Variants in MAML3 observed in about 807,000 individuals in gnomAD.
MAML3 encodes the protein mastermind-like protein 3.
A neutral mutation model predicts 101.9 loss-of-function variants in MAML3; 27 were observed. The ratio of observed to expected loss-of-function variants is 0.27; its 90% CI spans 0.20 to 0.37. The LOEUF (loss-of-function observed/expected upper bound fraction) is 0.37, where lower values mean the gene tolerates loss of function less well. Among genes scored for constraint, MAML3 ranks in the 10% least tolerant of loss-of-function variants. MAML3 has a pLI of 1.00. For missense variants in MAML3, 1,316 were observed against 1,444.9 expected (o/e 0.91, Z 1.45); for synonymous variants, 501 against 555.9 (o/e 0.90, Z 1.39).
At chr4:139,827,075 A>C (rs1731074036) in intron 2 of MAML3, among the ~76,000 whole-genome samples, 1 of 152,158 alleles carries the variant, frequency 6.6e-6, no homozygotes, top group Non-Finnish European at 1.5e-5. Flanking sequence ...GTTAATACAG[A>C]GTCTGATGTG....
intron 1 of MAML3, among the ~76,000 whole-genome samples, chr4:139,945,682 A>G (rs751109346): frequency 4.6e-5 from 7 of 152,244 alleles, no homozygotes; most frequent in Admixed American, 2.6e-4. Context: ...TAGGATAGAT[A>G]TTTAATAAAT....
intron 1 of MAML3, among the ~76,000 whole-genome samples, chr4:140,133,873 GTA>G (rs1379287980): frequency 6.6e-6 from 1 of 152,188 alleles, no homozygotes; most frequent in African/African-American, 2.4e-5. Flanking sequence ...ATGGCTGTAT[GTA>G]TACAGATATT....
intron 1 of MAML3, among the ~76,000 whole-genome samples, chr4:140,055,373 C>T (rs1432777151): frequency 6.6e-6 from 1 of 152,172 alleles, no homozygotes; most frequent in Non-Finnish European, 1.5e-5. Context: ...AATCCCAGAG[C>T]AGTGAGAATT....
chr4:139,965,267 T>C (rs1044778738), intron 1 of MAML3, among the ~76,000 whole-genome samples: 1 of 151,976 alleles, frequency 6.6e-6, no homozygotes, highest in African/African-American at 2.4e-5. Context: ...TATAAGCCAT[T>C]TGGATTTTCA....
At chr4:140,146,019 G>T (rs1488915522) in intron 1 of MAML3, among the ~76,000 whole-genome samples, 1 of 150,486 alleles carries the variant, frequency 6.6e-6, no homozygotes, top group African/African-American at 2.5e-5. Context: ...GATTACAGGC[G>T]TGTGCCACCA....
At position 139,748,082 on chromosome 4, in the gene MAML3, C is replaced by T. The variant is rs372509838; in HGVS notation, c.2080-17415G>A. On this transcript the variant is annotated intron_variant, in intron 2 of 4. Transcript: ENST00000509479. ...AAAAAAAAAAAAAAAAAAAAGAATGCACATATAGAGGTAGTGGGCCTTTGA... is the reference window on the plus strand; with the variant it reads ...AAAAAAAAAAAAAAAAAAAAGAATGTACATATAGAGGTAGTGGGCCTTTGA... 5.2e-3 allele frequency among the ~76,000 whole-genome samples: 753 copies of T among 143,684 alleles called. 7 individuals are homozygous for T. The highest frequency in any genetic ancestry group is 0.02 in the Middle Eastern group (5 of 246). The allele number at this position is 143,684 out of a possible 152,430, so 94.3% of individuals were successfully genotyped here. A position where few individuals can be genotyped will look rare whatever the true frequency, so the allele number is the denominator to read the frequency against.
chr4:140,122,482 A>G (rs547423859), intron 1 of MAML3, among the ~76,000 whole-genome samples: 73 of 152,266 alleles, frequency 4.8e-4, no homozygotes, highest in Admixed American at 1.7e-3. Context: ...TTAGCCTACC[A>G]AACAAGTCCA....
At chr4:139,765,882 G>A (rs1345941167) in intron 2 of MAML3, among the ~76,000 whole-genome samples, 2 of 152,104 alleles carry the variant, frequency 1.3e-5, no homozygotes, top group Non-Finnish European at 2.9e-5. Context: ...CAGGTACTAG[G>A]TGGCTGAAGT....
chr4:140,089,737 T>C (rs1458858510), intron 1 of MAML3, among the ~76,000 whole-genome samples: 2 of 152,152 alleles, frequency 1.3e-5, no homozygotes, highest in East Asian at 1.9e-4. Context: ...TTACTGGGGA[T>C]TGGAGGTACA....
chr4:139,891,897 C>T (rs1406716088), intron 1 of MAML3, among the ~76,000 whole-genome samples: 1 of 152,196 alleles, frequency 6.6e-6, no homozygotes, highest in African/African-American at 2.4e-5. Flanking sequence ...CAATTTCCTC[C>T]TTTCTCCCTT....
At chr4:139,932,177 C>CCTATT (rs56320332) in intron 1 of MAML3, among the ~76,000 whole-genome samples, 108,798 of 151,606 alleles carry the variant, frequency 0.72, 40,555 homozygotes, top group East Asian at 0.93. Flanking sequence ...GTAACTTTCT[C>CCTATT]CTCAGATTTT....
At chr4:139,736,253 C>G (rs1391346547) in intron 2 of MAML3, among the ~76,000 whole-genome samples, 1 of 152,144 alleles carries the variant, frequency 6.6e-6, no homozygotes, top group Non-Finnish European at 1.5e-5. Flanking sequence ...CAACCTCTCA[C>G]CAGAATCCAG....
chr4:139,770,963 A>G (rs977884280), intron 2 of MAML3, among the ~76,000 whole-genome samples: 6 of 152,172 alleles, frequency 3.9e-5, no homozygotes, highest in Non-Finnish European at 8.8e-5. Flanking sequence ...TAACAACTGG[A>G]TGTGGCTGTG....
intron 1 of MAML3, among the ~76,000 whole-genome samples, chr4:139,928,208 C>A (rs1284700454): frequency 1.3e-5 from 2 of 152,200 alleles, no homozygotes; most frequent in East Asian, 3.9e-4. Flanking sequence ...ACCTCTACTA[C>A]CCTCCTTTAA....
At chr4:139,772,195 G>A (rs111860487) in intron 2 of MAML3, among the ~76,000 whole-genome samples, 6 of 119,376 alleles carry the variant, frequency 5.0e-5, no homozygotes, top group African/African-American at 1.3e-4. Flanking sequence ...AGCCGAGATC[G>A]CGCCACTGCA....
At position 139,846,943 on chromosome 4, in the gene MAML3, T is replaced by A. The variant is rs185424087; in HGVS notation, c.2079+42414A>T. ...GAAAACCCCAAAAGTGTAATGAGAC[T>A]GGAGGGATCTGCTTCTTCCCACATC... On this transcript the variant is annotated intron_variant, in intron 2 of 4. Transcript: ENST00000509479. Among the ~76,000 whole-genome samples the A allele has an allele frequency of 7.6e-4, 116 of 152,340 alleles. 1 individual carries two copies. Among genetic ancestry groups the A allele is most frequent in the African/African-American group, 2.7e-3 (111 of 41,582 alleles).
intron 1 of MAML3, among the ~76,000 whole-genome samples, chr4:140,074,317 CT>C (rs1430589336): frequency 2.0e-5 from 3 of 152,170 alleles, no homozygotes; most frequent in Non-Finnish European, 4.4e-5. Flanking sequence ...TATTCCCCAG[CT>C]TCTTCCTTCC....
intron 1 of MAML3, among the ~76,000 whole-genome samples, chr4:140,082,103 A>T (rs1727868831): frequency 6.6e-6 from 1 of 152,188 alleles, no homozygotes; most frequent in Non-Finnish European, 1.5e-5. Flanking sequence ...GACCAATAAG[A>T]TCTGCGGAGT....
intron 2 of MAML3, among the ~76,000 whole-genome samples, chr4:139,770,920 G>T (rs1729963848): frequency 6.6e-6 from 1 of 152,178 alleles, no homozygotes; most frequent in Admixed American, 6.5e-5. Flanking sequence ...AGAATACCAG[G>T]TTGGGAACGC....
Sources: gnomAD v4.1 joint callset for allele counts (sites outside exome capture counted in the v4.1 genomes callset) on GRCh38, gnomAD v4.1.1 for gene constraint, MANE v1.5 for transcripts, NCBI Gene and HGNC (gene_info 2026-07-23, HGNC 2026-07-21) for gene names.